MAP2K1: variants seen among roughly 807,000 people sequenced by gnomAD.
The protein encoded by MAP2K1 is dual specificity mitogen-activated protein kinase kinase 1.
MAP2K1 carries 16 observed loss-of-function variants against 46.3 expected under a neutral mutation model. That is an observed-to-expected ratio of 0.35 (90% confidence interval 0.23 to 0.52). MAP2K1 has a LOEUF of 0.52. Among genes scored for constraint, MAP2K1 ranks in the 20% least tolerant of loss-of-function variants. MAP2K1 has a pLI of 0.94. For missense variants in MAP2K1, 263 were observed against 497.1 expected, an observed-to-expected ratio of 0.53 and a Z score of 4.48; for synonymous variants, 183 against 185.6, an observed-to-expected ratio of 0.99 and a Z score of 0.11.
chr15:66,407,390 T>C (rs752405), intron 1 of MAP2K1, among the ~76,000 whole-genome samples: 10,501 of 152,134 alleles, frequency 0.069, 1,189 homozygotes, highest in African/African-American at 0.24. Flanking sequence ...CTTCAGAATT[T>C]TTAGGCCATA....
At chr15:66,444,882 T>C (rs1021684942) in intron 5 of MAP2K1, 175 bp downstream of exon 5, 32 of 627,630 alleles carry the variant, frequency 5.1e-5, no homozygotes, top group Non-Finnish European at 8.1e-5. Flanking sequence ...CCTACCCTCT[T>C]TTTGGTCTTG....
intron 1 of MAP2K1, among the ~76,000 whole-genome samples, chr15:66,413,902 C>CTTT (rs2093417734): frequency 1.3e-5 from 1 of 79,970 alleles, no homozygotes; most frequent in Admixed American, 1.6e-4. Flanking sequence ...TTATTTTTTT[C>CTTT]TTCTTCTTCT....
At position 66,389,529 on chromosome 15, in the gene MAP2K1, G is replaced by C. The variant is rs911309739; in HGVS notation, c.80+2102G>C. Among the ~76,000 whole-genome samples, 10 of 151,498 alleles carry C rather than the reference G, an allele frequency of 6.6e-5. 2 individuals are homozygous for C. Among genetic ancestry groups the C allele is most frequent in the African/African-American group, 2.4e-4 (10 of 41,336 alleles). ...AGTCTAAACAGTGGTTAAAAGGTAA[G>C]GGCTCTGGAGTCAGGCTAAGTTTGA... On this transcript the variant is annotated intron_variant, in intron 1 of 10. Coordinates refer to ENST00000307102, the MANE Select transcript of MAP2K1 (RefSeq NM_002755.4).
At chr15:66,455,310 T>C (rs1479960603) in intron 5 of MAP2K1, among the ~76,000 whole-genome samples, 1 of 152,232 alleles carries the variant, frequency 6.6e-6, no homozygotes, top group Admixed American at 6.5e-5. Context: ...TAACACAAGG[T>C]GCTCTGGGTG....
rs1193389876 is a variant in MAP2K1 at position 66,487,349 on chromosome 15, AC to A, written c.960+60del. On this transcript the variant is annotated intron_variant, in intron 8 of 10. Coordinates refer to ENST00000307102, the MANE Select transcript of MAP2K1 (RefSeq NM_002755.4). The stretch of plus-strand genomic sequence containing the variant: ...ATTTACTTGCTCATCTTAAGAAAAC[AC>A]CCAGGTGGCCGGGTGCAGTGGTTCA... 1.2e-5 allele frequency: 18 copies of A among 1,542,606 alleles called. No individual in the cohort carries two copies. In the African/African-American group the frequency reaches 2.4e-4, roughly 21 times the overall value.
intron 1 of MAP2K1, among the ~76,000 whole-genome samples, chr15:66,396,093 G>A (rs2093366907): frequency 1.3e-5 from 2 of 152,056 alleles, no homozygotes; most frequent in Non-Finnish European, 1.5e-5. Flanking sequence ...TGCAACCTAT[G>A]CCTCCCGGGT....
intron 1 of MAP2K1, among the ~76,000 whole-genome samples, chr15:66,408,993 C>T (rs1434460008): frequency 6.6e-6 from 1 of 152,176 alleles, no homozygotes; most frequent in Non-Finnish European, 1.5e-5. Flanking sequence ...CGCTGTGAAG[C>T]CTGGCTTTGA....
chr15:66,420,964 TAC>T (rs1164027439), intron 1 of MAP2K1, among the ~76,000 whole-genome samples: 403 of 23,888 alleles, frequency 0.017, 5 homozygotes, highest in African/African-American at 0.026. Context: ...CATACATATA[TAC>T]ACACACATAC....
intron 5 of MAP2K1, among the ~76,000 whole-genome samples, chr15:66,472,498 G>A (rs1395559120): frequency 2.0e-5 from 3 of 152,084 alleles, no homozygotes; most frequent in East Asian, 1.9e-4. Context: ...GTTAGGGGTC[G>A]TGTGCCCAGA....
chr15:66,416,352 C>T (rs1433397494), intron 1 of MAP2K1, among the ~76,000 whole-genome samples: 1 of 151,104 alleles, frequency 6.6e-6, no homozygotes, highest in Non-Finnish European at 1.5e-5. Flanking sequence ...CCCTACAATC[C>T]CCCCCAAACA....
chr15:66,402,354 A>T (rs1440643120), intron 1 of MAP2K1, among the ~76,000 whole-genome samples: 1 of 152,176 alleles, frequency 6.6e-6, no homozygotes, highest in Non-Finnish European at 1.5e-5. Flanking sequence ...TCCACAGTGA[A>T]GTCTAGTGTC....
intron 5 of MAP2K1, chr15:66,446,396 G>A (rs1182254590): frequency 3.2e-5 from 5 of 157,540 alleles, no homozygotes; most frequent in Non-Finnish European, 6.9e-5. Context: ...CAGAGACTGC[G>A]CACCACTGCA....
chr15:66,469,943 G>A (rs907591333), intron 5 of MAP2K1, among the ~76,000 whole-genome samples: 3 of 151,210 alleles, frequency 2.0e-5, no homozygotes, highest in Admixed American at 1.3e-4. Flanking sequence ...GCAGCCTGAG[G>A]TGATAGCTAT....
At chr15:66,459,985 G>T (rs144714045) in intron 5 of MAP2K1, among the ~76,000 whole-genome samples, 89 of 152,328 alleles carry the variant, frequency 5.8e-4, no homozygotes, top group Middle Eastern at 3.4e-3. Context: ...TCTGTTCTGA[G>T]CATGGTTCCT....
At chr15:66,489,681 C>T in intron 9 of MAP2K1, 37 bp from the exon 10 acceptor site, 1 of 1,545,910 alleles carries the variant, frequency 6.5e-7, no homozygotes, top group Non-Finnish European at 8.9e-7. Flanking sequence ...GAACCAGTGC[C>T]AGGCAACAGC....
intron 1 of MAP2K1, among the ~76,000 whole-genome samples, chr15:66,398,623 GC>G (rs1335617201): frequency 6.6e-6 from 1 of 151,966 alleles, no homozygotes; most frequent in African/African-American, 2.4e-5. Context: ...CTGCACACCA[GC>G]CTGGGTGACA....
intron 1 of MAP2K1, among the ~76,000 whole-genome samples, chr15:66,425,862 G>A (rs1406170560): frequency 6.6e-6 from 1 of 152,172 alleles, no homozygotes; most frequent in African/African-American, 2.4e-5. Flanking sequence ...AAAGTAAGGT[G>A]CAACAATTAA....
intron 1 of MAP2K1, among the ~76,000 whole-genome samples, chr15:66,401,542 A>G (rs1438878230): frequency 1.3e-5 from 2 of 152,210 alleles, no homozygotes; most frequent in African/African-American, 2.4e-5. Flanking sequence ...AGCTGCAGGT[A>G]GGTGACTCAA....
At position 66,404,003 on chromosome 15, in the gene MAP2K1, A is replaced by G. The variant is rs16949889; in HGVS notation, c.80+16576A>G. On this transcript the variant is annotated intron_variant, in intron 1 of 10. Transcript: ENST00000307102. ...AAATCCAGATAGAAATTCTACCAAA[A>G]TGCCAGCCTGTATTTCAGCTCCTCT... is the stretch of plus-strand genomic sequence containing the variant. Among the ~76,000 whole-genome samples the G allele has an allele frequency of 5.4e-3, 815 of 152,278 alleles. 8 individuals are homozygous for G. The highest frequency in any genetic ancestry group is 0.019 in the African/African-American group (773 of 41,568).
Sources: gnomAD v4.1 joint callset for allele counts (sites outside exome capture counted in the v4.1 genomes callset) on GRCh38, gnomAD v4.1.1 for gene constraint, MANE v1.5 for transcripts, NCBI Gene and HGNC (gene_info 2026-07-23, HGNC 2026-07-21) for gene names.